NRCAM: variants seen among roughly 807,000 people sequenced by gnomAD.
NRCAM encodes neuronal cell adhesion molecule.
A neutral mutation model predicts 156.5 loss-of-function variants in NRCAM; 83 were observed. That is an observed-to-expected ratio of 0.53 (90% CI 0.44 to 0.64). NRCAM has a LOEUF of 0.64. Ranked by LOEUF, NRCAM falls within the 30% of genes least tolerant of loss-of-function variation. The probability of loss-of-function intolerance (pLI) is 0.00; values close to 1 mark genes in which losing one functional copy is unlikely to be tolerated. For synonymous variants in NRCAM, 538 were observed against 563.9 expected, an observed-to-expected ratio of 0.95 and a Z score of 0.65; for missense variants, 1,417 against 1,597.3, an observed-to-expected ratio of 0.89 and a Z score of 1.92.
chr7:108,242,410 T>A (rs559859886), intron 3 of NRCAM, among the ~76,000 whole-genome samples: 1 of 152,290 alleles, frequency 6.6e-6, no homozygotes, highest in East Asian at 1.9e-4. Flanking sequence ...TTCATATCCA[T>A]TAAGCATTGA....
At chr7:108,211,169 G>A (rs1210207281) in intron 11 of NRCAM, among the ~76,000 whole-genome samples, 3 of 152,024 alleles carry the variant, frequency 2.0e-5, no homozygotes, top group African/African-American at 7.2e-5. Flanking sequence ...ACTTTACCTG[G>A]AGCTGAGTCA....
chr7:108,220,568 G>A (rs1303677983), intron 11 of NRCAM, among the ~76,000 whole-genome samples: 8 of 152,018 alleles, frequency 5.3e-5, no homozygotes, highest in Non-Finnish European at 8.8e-5. Flanking sequence ...ACTGATCTTC[G>A]ACAAAGCAAA....
intron 1 of NRCAM, among the ~76,000 whole-genome samples, chr7:108,444,092 A>AC (rs1841860916): frequency 6.8e-6 from 1 of 147,304 alleles, no homozygotes; most frequent in Non-Finnish European, 1.5e-5. Context: ...AAATAAAACA[A>AC]TGCAACAATT....
chr7:108,181,824 G>A lies in NRCAM; in HGVS notation c.2644C>T (p.Arg882Trp), dbSNP rs770136886. ...ACAAAAGGTCCCCTTTCACTTGCCC[G>A]ATAGCCTTGTAGGTGTCCTCGGATG... Reference protein sequence around the residue: ...KSIRGHLQGYRIYYWKTQSSS... With the variant: ...KSIRGHLQGYWIYYWKTQSSS... Residue 882 changes from arginine (R) to tryptophan (W), a missense_variant and splice_region_variant, in exon 24 of 33, where the codon CGG becomes TGG. Arg to Trp is a moderately radical substitution (Grantham distance 101, BLOSUM62 -3). Transcript: ENST00000379028. The A allele has an allele frequency of 6.8e-6, 11 of 1,611,942 alleles. No individual in the cohort carries two copies. Among genetic ancestry groups the A allele is most frequent in the East Asian group, 4.5e-5 (2 of 44,862 alleles).
At chr7:108,380,819 G>C (rs2099697588) in intron 2 of NRCAM, among the ~76,000 whole-genome samples, 1 of 152,120 alleles carries the variant, frequency 6.6e-6, no homozygotes, top group Non-Finnish European at 1.5e-5. Flanking sequence ...GTAGTTCTAA[G>C]ACCAGAATCT....
At chr7:108,420,755 C>A (rs1808484536) in intron 1 of NRCAM, among the ~76,000 whole-genome samples, 1 of 152,192 alleles carries the variant, frequency 6.6e-6, no homozygotes, top group African/African-American at 2.4e-5. Flanking sequence ...AAAGTAGAAA[C>A]CCAATTAATG....
At chr7:108,333,373 A>T (rs1593837541) in intron 2 of NRCAM, among the ~76,000 whole-genome samples, 1 of 152,330 alleles carries the variant, frequency 6.6e-6, no homozygotes, top group Non-Finnish European at 1.5e-5. Flanking sequence ...AAATAACTTC[A>T]CTGCTGACAT....
chr7:108,445,364 C>T (rs1598357132), intron 1 of NRCAM, among the ~76,000 whole-genome samples: 2 of 152,132 alleles, frequency 1.3e-5, no homozygotes, highest in East Asian at 1.9e-4. Flanking sequence ...GAGAACAGTC[C>T]TATCCTGCAG....
intron 6 of NRCAM, among the ~76,000 whole-genome samples, chr7:108,232,896 A>G (rs1312529894): frequency 6.6e-6 from 1 of 152,146 alleles, no homozygotes; most frequent in Non-Finnish European, 1.5e-5. Context: ...TAACCTGTCT[A>G]TAAAAATTTG....
chr7:108,431,802 C>T (rs1023878242), intron 1 of NRCAM, among the ~76,000 whole-genome samples: 7 of 152,100 alleles, frequency 4.6e-5, no homozygotes, highest in African/African-American at 1.7e-4. Flanking sequence ...TAAAAATACA[C>T]AGGTTATATA....
chr7:108,342,996 T>C (rs1012057036), intron 2 of NRCAM, among the ~76,000 whole-genome samples: 7 of 152,292 alleles, frequency 4.6e-5, no homozygotes, highest in Admixed American at 4.6e-4. Flanking sequence ...AGATATAACA[T>C]AACTGTCAAC....
At position 108,223,114 on chromosome 7, in the gene NRCAM, G is replaced by A. The variant is rs148984964; in HGVS notation, c.890+611C>T. Among the ~76,000 whole-genome samples, 730 of 152,284 alleles carry A rather than the reference G, an allele frequency of 4.8e-3. 10 individuals carry two copies. The highest frequency in any genetic ancestry group is 0.017 in the African/African-American group (703 of 41,560). On this transcript the variant is annotated intron_variant, in intron 11 of 32. Coordinates refer to ENST00000379028, the MANE Select transcript of NRCAM (RefSeq NM_001037132.4). ...GCAGGCCCTGTGCATGATGTCTGTT[G>A]TTAGGAGAATAAGCCAGGACAAGAC...
intron 2 of NRCAM, among the ~76,000 whole-genome samples, chr7:108,335,461 A>ATTTTTTTTTTTTTTTTTTTTT (rs2099173387): frequency 3.9e-5 from 1 of 25,548 alleles, no homozygotes; most frequent in African/African-American, 1.5e-4. Flanking sequence ...TTTTTTTTTC[A>ATTTTTTTTTTTTTTTTTTTTT]GTTTTCACTG....
At chr7:108,311,505 T>A (rs1366181193) in intron 3 of NRCAM, among the ~76,000 whole-genome samples, 1 of 152,210 alleles carries the variant, frequency 6.6e-6, no homozygotes, top group African/African-American at 2.4e-5. Flanking sequence ...GTGTTGGTCA[T>A]AATTACCTAA....
intron 2 of NRCAM, among the ~76,000 whole-genome samples, chr7:108,385,241 G>A (rs2099736508): frequency 6.6e-6 from 1 of 152,140 alleles, no homozygotes; most frequent in East Asian, 1.9e-4. Flanking sequence ...TTCCTTAGAG[G>A]GGTAGAGATC....
chr7:108,308,220 C>G (rs1370462009), intron 3 of NRCAM, among the ~76,000 whole-genome samples: 1 of 152,130 alleles, frequency 6.6e-6, no homozygotes, highest in East Asian at 1.9e-4. Context: ...GGGCAGTGCC[C>G]CTGCCTTTTG....
chr7:108,397,601 G>A (rs183782358), intron 2 of NRCAM, among the ~76,000 whole-genome samples: 7 of 152,250 alleles, frequency 4.6e-5, no homozygotes, highest in Admixed American at 1.3e-4. Flanking sequence ...ATGCAAGAAA[G>A]ACCCTCTCAG....
At chr7:108,169,307 A>C (rs1160751960) in intron 28 of NRCAM, among the ~76,000 whole-genome samples, 1 of 152,232 alleles carries the variant, frequency 6.6e-6, no homozygotes, top group East Asian at 1.9e-4. Flanking sequence ...GTCCTACCTC[A>C]ATAGCTTAAA....
intron 8 of NRCAM, among the ~76,000 whole-genome samples, chr7:108,227,339 T>C (rs997302625): frequency 1.3e-5 from 2 of 152,216 alleles, no homozygotes; most frequent in African/African-American, 4.8e-5. Flanking sequence ...TATGGACACA[T>C]AATAAACTGT....
Sources: allele counts gnomAD v4.1 joint callset (sites outside exome capture counted in the v4.1 genomes callset), GRCh38; gene constraint gnomAD v4.1.1; transcripts MANE v1.5; gene names NCBI Gene and HGNC (gene_info 2026-07-23, HGNC 2026-07-21).